XYLT1: variants seen among roughly 807,000 people sequenced by gnomAD.
XYLT1 encodes the protein xylosyltransferase 1.
XYLT1 carries 36 observed loss-of-function variants against 91.3 expected under a neutral mutation model. The observed-to-expected ratio is 0.39, with a 90% CI of 0.30 to 0.52. The LOEUF is 0.52. Ranked by LOEUF, XYLT1 falls within the 20% of genes least tolerant of loss-of-function variation. XYLT1 has a pLI of 0.68. For synonymous variants in XYLT1, 588 were observed against 532.0 expected (o/e 1.11, Z -1.45); for missense variants, 1,242 against 1,284.5 (o/e 0.97, Z 0.51).
chr16:17,236,570 G>A (rs1346870714), intron 3 of XYLT1, among the ~76,000 whole-genome samples: 1 of 152,200 alleles, frequency 6.6e-6, no homozygotes, highest in Non-Finnish European at 1.5e-5. Flanking sequence ...CACACAGCTG[G>A]GGGGCTTAAA....
chr16:17,258,916 G>C, intron 3 of XYLT1, 72 bp downstream of exon 3: 1 of 1,429,566 alleles, frequency 7.0e-7, no homozygotes, highest in Non-Finnish European at 9.2e-7. Context: ...GAGAAGGTGA[G>C]CAGAATGGGG....
At chr16:17,281,499 ATGT>A (rs1445925032) in intron 2 of XYLT1, among the ~76,000 whole-genome samples, 1 of 151,790 alleles carries the variant, frequency 6.6e-6, no homozygotes, top group Non-Finnish European at 1.5e-5. Context: ...ATAAACATTT[ATGT>A]TGTTAAAAAA....
intron 5 of XYLT1, among the ~76,000 whole-genome samples, chr16:17,188,194 C>A (rs1221967336): frequency 6.6e-6 from 1 of 152,026 alleles, no homozygotes; most frequent in Non-Finnish European, 1.5e-5. Context: ...TCAGTAGAAG[C>A]AACTGCTTGT....
chr16:17,301,341 C>T (rs1046824699), intron 2 of XYLT1, among the ~76,000 whole-genome samples: 4 of 152,084 alleles, frequency 2.6e-5, no homozygotes, highest in African/African-American at 9.7e-5. Context: ...ACTCAGGAGG[C>T]AGTGGTTGCA....
chr16:17,372,859 C>T (rs1181948295), intron 1 of XYLT1, among the ~76,000 whole-genome samples: 9 of 152,210 alleles, frequency 5.9e-5, no homozygotes, highest in African/African-American at 1.9e-4. Flanking sequence ...TTAGGATTCA[C>T]CGAATATCTG....
chr16:17,242,235 A>G (rs557387858), intron 3 of XYLT1, among the ~76,000 whole-genome samples: 175 of 152,348 alleles, frequency 1.1e-3, no homozygotes, highest in Middle Eastern at 3.4e-3. Context: ...AAACCCAGCC[A>G]TCCATTTTGT....
At chr16:17,428,443 C>T (rs1390684166) in intron 1 of XYLT1, among the ~76,000 whole-genome samples, 1 of 152,170 alleles carries the variant, frequency 6.6e-6, no homozygotes, top group Non-Finnish European at 1.5e-5. Context: ...TAAAATGAGC[C>T]AGGCTGAGGG....
At chr16:17,210,716 TA>T (rs1243332697) in intron 3 of XYLT1, among the ~76,000 whole-genome samples, 1 of 152,212 alleles carries the variant, frequency 6.6e-6, no homozygotes, top group East Asian at 1.9e-4. Flanking sequence ...AGTGTGTTCT[TA>T]AATGCGATGT....
chr16:17,208,729 T>C (rs2032703155), intron 3 of XYLT1, among the ~76,000 whole-genome samples: 1 of 152,150 alleles, frequency 6.6e-6, no homozygotes, highest in African/African-American at 2.4e-5. Context: ...TTTACTATTT[T>C]AGCCTTTTTT....
intron 2 of XYLT1, among the ~76,000 whole-genome samples, chr16:17,351,751 G>C (rs1302225910): frequency 4.0e-5 from 6 of 149,384 alleles, no homozygotes; most frequent in Non-Finnish European, 7.4e-5. Flanking sequence ...TTTTTTTTTG[G>C]GGGGGGGTGC....
At chr16:17,134,452 T>C (rs768221836) in intron 9 of XYLT1, 21 bp downstream of exon 9, 2 of 1,612,906 alleles carry the variant, frequency 1.2e-6, no homozygotes, top group Admixed American at 3.3e-5. Flanking sequence ...CTCTCCTCTC[T>C]GCATCCCATA....
intron 2 of XYLT1, among the ~76,000 whole-genome samples, chr16:17,301,368 C>A (rs2034392492): frequency 6.6e-6 from 1 of 152,112 alleles, no homozygotes; most frequent in Non-Finnish European, 1.5e-5. Flanking sequence ...CAAGATTGCA[C>A]CACTGTACTC....
intron 1 of XYLT1, among the ~76,000 whole-genome samples, chr16:17,362,565 T>G (rs988691686): frequency 2.0e-5 from 3 of 152,242 alleles, no homozygotes; most frequent in African/African-American, 7.2e-5. Flanking sequence ...TCAAAAGTCT[T>G]GCTTGTAAGA....
intron 2 of XYLT1, among the ~76,000 whole-genome samples, chr16:17,276,040 C>T (rs1490642028): frequency 6.6e-6 from 1 of 152,092 alleles, no homozygotes. Flanking sequence ...ATCTGAAAGC[C>T]GGAACCATTT....
At chr16:17,267,743 GGCA>G (rs1213860513) in intron 2 of XYLT1, among the ~76,000 whole-genome samples, 7 of 152,150 alleles carry the variant, frequency 4.6e-5, no homozygotes, top group African/African-American at 1.7e-4. Flanking sequence ...AGAGTGTTGA[GGCA>G]CAGTGGGTTG....
At chr16:17,117,020 T>C (rs1966853687) in intron 11 of XYLT1, among the ~76,000 whole-genome samples, 1 of 152,216 alleles carries the variant, frequency 6.6e-6, no homozygotes, top group African/African-American at 2.4e-5. Context: ...TTTGGCTTTG[T>C]GGGCCATGCA....
chr16:17,267,097 A>G (rs2033818507), intron 2 of XYLT1, among the ~76,000 whole-genome samples: 4 of 152,196 alleles, frequency 2.6e-5, no homozygotes, highest in Non-Finnish European at 5.9e-5. Context: ...TGGGATGCAA[A>G]ACAGCACAGG....
chr16:17,166,203 C>T (rs924134724), intron 5 of XYLT1, among the ~76,000 whole-genome samples: 1 of 152,198 alleles, frequency 6.6e-6, no homozygotes, highest in Non-Finnish European at 1.5e-5. Context: ...AGGGCAGAAC[C>T]ATCCTCTCCC....
intron 3 of XYLT1, among the ~76,000 whole-genome samples, chr16:17,202,954 CA>C (rs2032571079): frequency 6.6e-6 from 1 of 152,116 alleles, no homozygotes; most frequent in Non-Finnish European, 1.5e-5. Flanking sequence ...CCTTGACGTT[CA>C]TTAGATAATT....
Sources: allele counts gnomAD v4.1 joint callset (sites outside exome capture counted in the v4.1 genomes callset), GRCh38; gene constraint gnomAD v4.1.1; transcripts MANE v1.5; gene names NCBI Gene and HGNC (gene_info 2026-07-23, HGNC 2026-07-21).